AGBL4: variants seen among roughly 807,000 people sequenced by gnomAD.
AGBL4 encodes cytosolic carboxypeptidase 6.
Under a neutral mutation model 66.4 loss-of-function variants are expected in AGBL4, and 58 were observed. That is an observed-to-expected ratio of 0.87 (90% CI 0.71 to 1.09). The LOEUF is 1.09. AGBL4 is among the 50% of genes least tolerant of loss of function. The pLI is 0.00. For synonymous variants in AGBL4, 234 were observed against 222.9 expected (o/e 1.05, Z -0.44); for missense variants, 579 against 631.0 (o/e 0.92, Z 0.88).
At chr1:48,684,061 C>T (rs896650169) in intron 6 of AGBL4, among the ~76,000 whole-genome samples, 6 of 152,222 alleles carry the variant, frequency 3.9e-5, no homozygotes, top group African/African-American at 1.2e-4. Context: ...ACTGCGTATA[C>T]AGTCCCAGAG....
At chr1:48,633,795 G>A (rs1431810934) in intron 9 of AGBL4, among the ~76,000 whole-genome samples, 1 of 152,190 alleles carries the variant, frequency 6.6e-6, no homozygotes, top group Non-Finnish European at 1.5e-5. Flanking sequence ...TTGCCCCAGG[G>A]AGCAAACTTG....
intron 6 of AGBL4, among the ~76,000 whole-genome samples, chr1:48,707,258 C>T (rs1169986328): frequency 1.3e-5 from 2 of 152,166 alleles, no homozygotes; most frequent in Non-Finnish European, 2.9e-5. Flanking sequence ...CATGCCACTG[C>T]ACTCCAGCCT....
intron 5 of AGBL4, among the ~76,000 whole-genome samples, chr1:48,975,468 A>G (rs1033460893): frequency 6.6e-6 from 1 of 152,166 alleles, no homozygotes; most frequent in African/African-American, 2.4e-5. Flanking sequence ...AACCACACAG[A>G]AGATTCCTAT....
chr1:49,481,749 T>A (rs1185019921), intron 3 of AGBL4, among the ~76,000 whole-genome samples: 2 of 151,990 alleles, frequency 1.3e-5, no homozygotes, highest in African/African-American at 4.8e-5. Flanking sequence ...CAGTATGGTG[T>A]TGGCCGTGGG....
intron 2 of AGBL4, among the ~76,000 whole-genome samples, chr1:49,751,621 T>C (rs1283763446): frequency 6.6e-6 from 1 of 152,164 alleles, no homozygotes; most frequent in Non-Finnish European, 1.5e-5. Context: ...GAGTACCTCT[T>C]GTTCTGTTGC....
At chr1:48,818,211 T>A in intron 6 of AGBL4, 1 of 717,482 alleles carries the variant, frequency 1.4e-6, no homozygotes, top group South Asian at 1.5e-5. Flanking sequence ...TTTCACCAGC[T>A]CCATCTTCCA....
intron 8 of AGBL4, among the ~76,000 whole-genome samples, chr1:48,647,075 T>A (rs1645849779): frequency 6.6e-6 from 1 of 152,200 alleles, no homozygotes; most frequent in Admixed American, 6.5e-5. Flanking sequence ...ACCTTAGTTA[T>A]ACTGGATTTA....
At chr1:48,633,385 G>GTTCCT (rs1390204891) in intron 9 of AGBL4, among the ~76,000 whole-genome samples, 1 of 152,152 alleles carries the variant, frequency 6.6e-6, no homozygotes, top group East Asian at 1.9e-4. Context: ...CATCTCTGAA[G>GTTCCT]TACCCCAACT....
At chr1:49,707,879 C>T (rs919876848) in intron 2 of AGBL4, among the ~76,000 whole-genome samples, 7 of 152,020 alleles carry the variant, frequency 4.6e-5, no homozygotes, top group African/African-American at 1.7e-4. Flanking sequence ...GAGTATTGGC[C>T]CCCACTATCT....
At chr1:49,640,543 A>C (rs1645760089) in intron 3 of AGBL4, among the ~76,000 whole-genome samples, 1 of 152,154 alleles carries the variant, frequency 6.6e-6, no homozygotes, top group South Asian at 2.1e-4. Flanking sequence ...TTACTATAAC[A>C]TCTTTTTTAT....
chr1:48,777,145 G>A (rs1282023981), intron 6 of AGBL4, among the ~76,000 whole-genome samples: 1 of 152,156 alleles, frequency 6.6e-6, no homozygotes, highest in Non-Finnish European at 1.5e-5. Context: ...TTCGAATGGG[G>A]AGGGAAAAGG....
intron 3 of AGBL4, among the ~76,000 whole-genome samples, chr1:49,479,380 T>C (rs1210653984): frequency 6.6e-6 from 1 of 151,886 alleles, no homozygotes; most frequent in East Asian, 1.9e-4. Context: ...GGGGGGTTGG[T>C]CATAAAAATT....
intron 4 of AGBL4, among the ~76,000 whole-genome samples, chr1:49,195,754 T>G (rs1007205567): frequency 1.3e-5 from 2 of 152,160 alleles, no homozygotes; most frequent in African/African-American, 4.8e-5. Context: ...CTTTCTAAAC[T>G]TTTTTTCTTC....
intron 6 of AGBL4, among the ~76,000 whole-genome samples, chr1:48,694,160 C>T (rs984274756): frequency 1.3e-4 from 19 of 151,814 alleles, no homozygotes; most frequent in African/African-American, 4.6e-4. Flanking sequence ...AGGCAGTTGT[C>T]CTCCTAGTCC....
intron 1 of AGBL4, among the ~76,000 whole-genome samples, chr1:49,902,115 G>C (rs1649820398): frequency 1.3e-5 from 2 of 152,080 alleles, no homozygotes; most frequent in South Asian, 4.2e-4. Flanking sequence ...TACCATTCTG[G>C]ACACAGAACC....
At chr1:48,689,377 C>A (rs1442904491) in intron 6 of AGBL4, among the ~76,000 whole-genome samples, 1 of 144,008 alleles carries the variant, frequency 6.9e-6, no homozygotes, top group African/African-American at 2.7e-5. Context: ...TGACGGTCAC[C>A]TACCTACCTA....
intron 6 of AGBL4, among the ~76,000 whole-genome samples, chr1:48,808,829 C>T (rs1263279188): frequency 6.6e-6 from 1 of 152,130 alleles, no homozygotes; most frequent in Non-Finnish European, 1.5e-5. Flanking sequence ...GCTAATAATA[C>T]CTAGACCATA....
At chr1:48,770,997 T>C (rs890933164) in intron 6 of AGBL4, among the ~76,000 whole-genome samples, 1 of 152,176 alleles carries the variant, frequency 6.6e-6, no homozygotes, top group Non-Finnish European at 1.5e-5. Flanking sequence ...TGGCTCTCTT[T>C]TCTTGGGTAA....
chr1:49,660,537 G>C (rs1210900461), intron 3 of AGBL4, among the ~76,000 whole-genome samples: 1 of 152,208 alleles, frequency 6.6e-6, no homozygotes, highest in African/African-American at 2.4e-5. Flanking sequence ...GTGGAAGACA[G>C]TGTGGTAATT....
Sources: allele counts gnomAD v4.1 joint callset (sites outside exome capture counted in the v4.1 genomes callset), GRCh38; gene constraint gnomAD v4.1.1; transcripts MANE v1.5; gene names NCBI Gene and HGNC (gene_info 2026-07-23, HGNC 2026-07-21).